SYCP1: variants seen among roughly 807,000 people sequenced by gnomAD.
SYCP1 encodes synaptonemal complex protein 1.
SYCP1 carries 64 observed loss-of-function variants against 153.1 expected under a neutral mutation model. The observed-to-expected ratio is 0.42, with a 90% CI of 0.34 to 0.51. SYCP1 has a LOEUF of 0.51. SYCP1 is among the 20% of genes least tolerant of loss of function. SYCP1 has a pLI of 0.06. For missense variants in SYCP1, 997 were observed against 1,049.0 expected (o/e 0.95, Z 0.68); for synonymous variants, 384 against 341.8 (o/e 1.12, Z -1.36).
At chr1:114,976,898 A>G (rs1466182225) in intron 27 of SYCP1, among the ~76,000 whole-genome samples, 1 of 151,738 alleles carries the variant, frequency 6.6e-6, no homozygotes, top group Non-Finnish European at 1.5e-5. Flanking sequence ...AATTCTGCAC[A>G]CTTGGAGATT....
intron 17 of SYCP1, among the ~76,000 whole-genome samples, chr1:114,911,068 C>T (rs1445713564): frequency 6.6e-6 from 1 of 151,836 alleles, no homozygotes; most frequent in Admixed American, 6.6e-5. Flanking sequence ...AGTATTACAT[C>T]TTGTCTTTTT....
intron 12 of SYCP1, among the ~76,000 whole-genome samples, chr1:114,882,073 A>C (rs1391411905): frequency 6.6e-6 from 1 of 152,010 alleles, no homozygotes; most frequent in South Asian, 2.1e-4. Context: ...CCCGTGTTGC[A>C]TCTTGGGAGG....
At chr1:114,872,157 CTT>C (rs1447935477) in intron 8 of SYCP1, among the ~76,000 whole-genome samples, 1 of 151,290 alleles carries the variant, frequency 6.6e-6, no homozygotes, top group African/African-American at 2.4e-5. Flanking sequence ...TCTTTTTTTT[CTT>C]TATAGAGATC....
chr1:114,871,180 T>C (rs1028695538), intron 8 of SYCP1, among the ~76,000 whole-genome samples: 1 of 152,064 alleles, frequency 6.6e-6, no homozygotes, highest in Non-Finnish European at 1.5e-5. Context: ...TTTCTTTTTT[T>C]TTTTGGATAC....
At chr1:114,979,298 G>A (rs1469737992) in intron 28 of SYCP1, among the ~76,000 whole-genome samples, 1 of 151,716 alleles carries the variant, frequency 6.6e-6, no homozygotes, top group Non-Finnish European at 1.5e-5. Flanking sequence ...AAGTTGTTAT[G>A]AGGATTAAAT....
intron 23 of SYCP1, among the ~76,000 whole-genome samples, chr1:114,928,588 A>G (rs1262236708): frequency 6.6e-6 from 1 of 152,200 alleles, no homozygotes; most frequent in Non-Finnish European, 1.5e-5. Context: ...ATGAATTTAA[A>G]AGGCGATATA....
chr1:114,913,170 G>C lies in SYCP1; in HGVS notation c.1647+20G>C. ...ATTAATGTGAGTTGAAAAAGAAAGT[G>C]CTGGTGACTTAGTTTTCTTCCAATT... On this transcript the variant is annotated intron_variant, in intron 19 of 31. Transcript: ENST00000369522. The C allele has an allele frequency of 6.3e-7, 1 of 1,581,716 alleles. No homozygotes were observed. Among genetic ancestry groups the C allele is most frequent in the Non-Finnish European group, 8.7e-7 (1 of 1,152,276 alleles).
rs1308034393 is a variant in SYCP1 at position 114,981,373 on chromosome 1, A to G, written c.2420A>G (p.Tyr807Cys). 5 of 1,601,604 alleles carry G rather than the reference A, an allele frequency of 3.1e-6. No individual in the cohort carries two copies. The highest frequency in any genetic ancestry group is 4.3e-6 in the Non-Finnish European group (5 of 1,176,210). The change falls in exon 29 of 32, where the codon TAT becomes TGT. Residue 807 changes from tyrosine to cysteine, a missense_variant. Tyr to Cys is a radical substitution (Grantham distance 194, BLOSUM62 -2). Coordinates refer to ENST00000369522, the MANE Select transcript of SYCP1 (RefSeq NM_003176.4). The part of the protein sequence containing the change: ...QTFLLETPEI[Y>C]WKLDSKAVPS... Reference sequence around the variant, plus strand: ...TTTTTATTGGAAACACCTGAAATTTATTGGAAATTGGATTCTAAAGCAGTT... The same window carrying G: ...TTTTTATTGGAAACACCTGAAATTTGTTGGAAATTGGATTCTAAAGCAGTT...
At chr1:114,948,142 C>T (rs748659096) in intron 27 of SYCP1, among the ~76,000 whole-genome samples, 10 of 151,670 alleles carry the variant, frequency 6.6e-5, no homozygotes, top group Non-Finnish European at 1.0e-4. Flanking sequence ...TTTTTTGAAG[C>T]TATTCATCAT....
At chr1:114,961,998 G>A (rs1230491903) in intron 27 of SYCP1, among the ~76,000 whole-genome samples, 15 of 130,440 alleles carry the variant, frequency 1.1e-4, no homozygotes, top group Non-Finnish European at 2.2e-4. Flanking sequence ...TTTTTTTTGA[G>A]ATGGAGTCTT....
chr1:114,949,460 A>G (rs553683668), intron 27 of SYCP1, among the ~76,000 whole-genome samples: 15 of 152,296 alleles, frequency 9.8e-5, no homozygotes, highest in Non-Finnish European at 2.1e-4. Flanking sequence ...GAGATAAACA[A>G]TTAGTTTCTT....
At position 114,909,121 on chromosome 1, in the gene SYCP1, T is replaced by C. The variant is rs145087888; in HGVS notation, c.1321-1276T>C. On this transcript the variant is annotated intron_variant, in intron 16 of 31. Transcript: ENST00000369522. ...ATGAATGTATGCTTCATGGGTTGTT[T>C]TTAAATTTGTGTAGTATTCATACAT... Among the ~76,000 whole-genome samples the C allele has an allele frequency of 3.8e-3, 584 of 152,284 alleles. 6 individuals are homozygous for C. Among genetic ancestry groups the C allele is most frequent in the African/African-American group, 0.013 (549 of 41,558 alleles).
At chr1:114,971,337 G>A (rs1335178275) in intron 27 of SYCP1, among the ~76,000 whole-genome samples, 1 of 152,096 alleles carries the variant, frequency 6.6e-6, no homozygotes, top group Non-Finnish European at 1.5e-5. Context: ...GTTCCAAGGG[G>A]GATTATGGCT....
chr1:114,961,760 A>T (rs1334847511), intron 27 of SYCP1, among the ~76,000 whole-genome samples: 3 of 152,040 alleles, frequency 2.0e-5, no homozygotes, highest in Admixed American at 6.6e-5. Context: ...GTGGCCTTTC[A>T]TATGGTCTGT....
At chr1:114,976,588 T>C (rs943130077) in intron 27 of SYCP1, among the ~76,000 whole-genome samples, 25 of 151,018 alleles carry the variant, frequency 1.7e-4, no homozygotes, top group Non-Finnish European at 3.3e-4. Flanking sequence ...AAGATACATA[T>C]TCTGAGAGTC....
intron 27 of SYCP1, among the ~76,000 whole-genome samples, chr1:114,967,431 CTTCT>C (rs1672201191): frequency 6.6e-6 from 1 of 152,116 alleles, no homozygotes; most frequent in African/African-American, 2.4e-5. Context: ...ATGTAATGCC[CTTCT>C]TTGTCTTTTT....
chr1:114,903,033 A>T (rs183893605), intron 16 of SYCP1, among the ~76,000 whole-genome samples: 106 of 152,236 alleles, frequency 7.0e-4, no homozygotes, highest in Admixed American at 2.4e-3. Context: ...TACAAAAATT[A>T]GCTGGGCGTG....
chr1:114,857,135 T>G (rs1354881759), intron 3 of SYCP1, 97 bp from the exon 4 acceptor site: 1 of 276,648 alleles, frequency 3.6e-6, no homozygotes, highest in Admixed American at 8.7e-5. Context: ...CCTCTCTCTC[T>G]CAAAAAAAAA....
chr1:114,877,892 A>T (rs2101482132), intron 11 of SYCP1, among the ~76,000 whole-genome samples: 2 of 152,256 alleles, frequency 1.3e-5, no homozygotes, highest in East Asian at 3.9e-4. Flanking sequence ...TTTCAATTTG[A>T]TATGACACTG....
Sources: gnomAD v4.1 joint callset for allele counts (sites outside exome capture counted in the v4.1 genomes callset) on GRCh38, gnomAD v4.1.1 for gene constraint, MANE v1.5 for transcripts, NCBI Gene and HGNC (gene_info 2026-07-23, HGNC 2026-07-21) for gene names.